The following GLI2 variants were observed in gnomAD, a reference collection of about 807,000 sequenced individuals.
GLI2 encodes GLI family zinc finger 2.
In GLI2, 22 loss-of-function variants were observed where a neutral mutation model predicts 78.9. That is an observed-to-expected ratio of 0.28 (90% CI 0.20 to 0.40). GLI2 has a LOEUF of 0.40. Among genes scored for constraint, GLI2 ranks in the 10% least tolerant of loss-of-function variants. The pLI is 1.00. For synonymous variants in GLI2, 974 were observed against 963.7 expected (o/e 1.01, Z -0.20); for missense variants, 2,097 against 2,213.2 (o/e 0.95, Z 1.05).
At chr2:120,744,758 GT>G (rs1383065758) in intron 1 of GLI2, among the ~76,000 whole-genome samples, 1 of 152,160 alleles carries the variant, frequency 6.6e-6, no homozygotes, top group Non-Finnish European at 1.5e-5. Flanking sequence ...GGCTGCAAAG[GT>G]CTCTAGGTGG....
intron 2 of GLI2, among the ~76,000 whole-genome samples, chr2:120,875,445 C>T (rs1688688218): frequency 6.6e-6 from 1 of 152,202 alleles, no homozygotes; most frequent in Non-Finnish European, 1.5e-5. Flanking sequence ...AGTCCTTTCT[C>T]CGTGGGGAAA....
chr2:120,812,724 G>A lies in GLI2; in HGVS notation c.148+15256G>A, dbSNP rs184971274. On this transcript the variant is annotated intron_variant, in intron 2 of 13. Transcript: ENST00000361492. ...CGGGGAGCCCCTTTCTCCTGTTGCC[G>A]TCCTTGGCATGCGGGCTCTGACCTC... Among the ~76,000 whole-genome samples, 3 of 152,222 alleles carry A rather than the reference G, an allele frequency of 2.0e-5. No individual in the cohort carries two copies. In the East Asian group the frequency reaches 5.8e-4, roughly 29 times the overall value.
At chr2:120,957,846 T>C (rs1049830184) in intron 5 of GLI2, among the ~76,000 whole-genome samples, 3 of 152,274 alleles carry the variant, frequency 2.0e-5, no homozygotes, top group Non-Finnish European at 4.4e-5. Flanking sequence ...GCTAGAAATA[T>C]GCTCCTTACT....
At position 120,970,399 on chromosome 2, in the gene GLI2, C is replaced by T. The variant is rs1165223319; in HGVS notation, c.852C>T (p.Ala284=). ...GHLSAGALSP[A]FTFPHPINPV... is the part of the protein sequence containing the mutation. Reference sequence around the variant, plus strand: ...TGTCTGCTCTCTGTTGCAGCCCAGCCTTCACCTTCCCCCACCCCATCAACC... The same window carrying T: ...TGTCTGCTCTCTGTTGCAGCCCAGCTTTCACCTTCCCCCACCCCATCAACC... The change falls in exon 7 of 14, where the codon GCC becomes GCT. Residue 284 remains alanine, a synonymous_variant. Transcript: ENST00000361492. 6.2e-7 allele frequency: 1 copy of T among 1,607,592 alleles called. No homozygotes were observed. Among genetic ancestry groups the T allele is most frequent in the Non-Finnish European group, 8.5e-7 (1 of 1,174,162 alleles).
rs1193828356 is a variant in GLI2 at position 120,990,612 on chromosome 2, G to A, written c.4647G>A (p.Gly1549=). 3.7e-6 allele frequency: 6 copies of A among 1,613,612 alleles called. No homozygotes were observed. Among genetic ancestry groups the A allele is most frequent in the African/African-American group, 2.7e-5 (2 of 74,902 alleles). The change falls in exon 14 of 14, where the codon GGG becomes GGA. Residue 1549 remains glycine, a synonymous_variant. Transcript: ENST00000361492. ...CAGGCATCAGCAACATGGCTGTCGG[G>A]GACATGAGCTCCATGCTCACCAGCC... The part of the protein sequence containing the change: ...IPAGISNMAV[G]DMSSMLTSLA...
chr2:120,841,142 G>A (rs1686849377), intron 2 of GLI2, among the ~76,000 whole-genome samples: 1 of 152,176 alleles, frequency 6.6e-6, no homozygotes, highest in Non-Finnish European at 1.5e-5. Flanking sequence ...GAAGTTGATG[G>A]AGAAAGAAAC....
At chr2:120,740,031 AAC>A (rs1236253144) in intron 1 of GLI2, among the ~76,000 whole-genome samples, 3 of 152,192 alleles carry the variant, frequency 2.0e-5, no homozygotes, top group African/African-American at 7.2e-5. Flanking sequence ...TTTTCAAATA[AAC>A]ACACAACACC....
chr2:120,806,331 G>A (rs1426335330), intron 2 of GLI2, among the ~76,000 whole-genome samples: 1 of 152,290 alleles, frequency 6.6e-6, no homozygotes, highest in African/African-American at 2.4e-5. Flanking sequence ...AGATGGTCCC[G>A]AACTGTGGAC....
At chr2:120,919,631 C>T (rs1197796890) in intron 2 of GLI2, among the ~76,000 whole-genome samples, 1 of 152,250 alleles carries the variant, frequency 6.6e-6, no homozygotes, top group Non-Finnish European at 1.5e-5. Flanking sequence ...CCACGTGGCT[C>T]CAGCACTGTC....
chr2:120,894,693 TTTTC>T (rs1190805070), intron 2 of GLI2, among the ~76,000 whole-genome samples: 4 of 111,656 alleles, frequency 3.6e-5, no homozygotes, highest in South Asian at 6.1e-4. Context: ...TATGGTTTTC[TTTTC>T]TTTCTTTTTT....
chr2:120,867,023 G>A (rs1347173300), intron 2 of GLI2: 1 of 152,248 alleles, frequency 6.6e-6, no homozygotes, highest in South Asian at 2.1e-4. Context: ...GGTGCACAGT[G>A]GCCTGGGGGC....
rs551166150 is a variant in GLI2 at position 120,805,633 on chromosome 2, A to T, written c.148+8165A>T. 1.8e-4 allele frequency among the ~76,000 whole-genome samples: 28 copies of T among 152,314 alleles called. No individual in the cohort carries two copies. The East Asian group carries it at 5.0e-3, about 27-fold the overall frequency. On this transcript the variant is annotated intron_variant, in intron 2 of 13. Coordinates refer to ENST00000361492, the MANE Select transcript of GLI2 (RefSeq NM_001374353.1). ...ACAAAATGCAGAGGGTTGCCTAGTG[A>T]TATTACTTGGACTGGAAACCAATTC... is the stretch of plus-strand genomic sequence containing the variant.
At chr2:120,905,294 C>CGGGGCGCCCCACAGCATCAGTG (rs1678468541) in intron 2 of GLI2, among the ~76,000 whole-genome samples, 1 of 152,096 alleles carries the variant, frequency 6.6e-6, no homozygotes, top group African/African-American at 2.4e-5. Context: ...GGAACCTCTA[C>CGGGGCGCCCCACAGCATCAGTG]GGGGCGCCCC....
chr2:120,791,320 A>G (rs551286929), intron 1 of GLI2, among the ~76,000 whole-genome samples: 1 of 152,272 alleles, frequency 6.6e-6, no homozygotes, highest in South Asian at 2.1e-4. Flanking sequence ...CTAGGCTGCC[A>G]GCCTTGGCAT....
At chr2:120,860,421 T>C (rs991939735) in intron 2 of GLI2, among the ~76,000 whole-genome samples, 3 of 152,312 alleles carry the variant, frequency 2.0e-5, no homozygotes, top group Non-Finnish European at 2.9e-5. Context: ...ACACAGGCCC[T>C]GGGGCTGCCC....
intron 2 of GLI2, among the ~76,000 whole-genome samples, chr2:120,844,942 CCT>C (rs1459132350): frequency 6.6e-6 from 1 of 151,700 alleles, no homozygotes; most frequent in African/African-American, 2.4e-5. Flanking sequence ...GGAATTGCCC[CCT>C]GTGTAGACTG....
chr2:120,941,038 A>T (rs79727604), intron 3 of GLI2, among the ~76,000 whole-genome samples: 3,875 of 152,312 alleles, frequency 0.025, 183 homozygotes, highest in African/African-American at 0.087. Context: ...CTCAGTAAAC[A>T]TCAGCTGATC....
intron 1 of GLI2, among the ~76,000 whole-genome samples, chr2:120,776,960 G>A (rs1683696940): frequency 6.6e-6 from 1 of 152,214 alleles, no homozygotes; most frequent in Non-Finnish European, 1.5e-5. Context: ...GGGAGCTCCT[G>A]TCTCCAGAAG....
Position 120,925,656 on chromosome 2 carries a change from G to A in GLI2, c.149-1705G>A, listed in dbSNP as rs557556896. Among the ~76,000 whole-genome samples the A allele has an allele frequency of 3.3e-5, 5 of 152,312 alleles. No individual in the cohort carries two copies. The South Asian group carries it at 1.0e-3, about 32-fold the overall frequency. On this transcript the variant is annotated intron_variant, in intron 2 of 13. Transcript: ENST00000361492. ...GTAGAATGGTGAATGTGCAGGGGCTGGGGGAGAGTAATGGGAGTTAGTGTT... is the reference window on the plus strand; with the variant it reads ...GTAGAATGGTGAATGTGCAGGGGCTAGGGGAGAGTAATGGGAGTTAGTGTT...
Sources: allele counts gnomAD v4.1 joint callset (sites outside exome capture counted in the v4.1 genomes callset), GRCh38; gene constraint gnomAD v4.1.1; transcripts MANE v1.5; gene names NCBI Gene and HGNC (gene_info 2026-07-23, HGNC 2026-07-21).